Variants in CNTNAP2 observed in about 807,000 individuals in gnomAD.
CNTNAP2 encodes the protein contactin-associated protein-like 2.
A neutral mutation model predicts 155.2 loss-of-function variants in CNTNAP2; 98 were observed. That is an observed-to-expected ratio of 0.63 (90% confidence interval 0.54 to 0.75). The LOEUF is 0.75. Among genes scored for constraint, CNTNAP2 ranks in the 30% least tolerant of loss-of-function variants. CNTNAP2 has a pLI of 0.00. For missense variants in CNTNAP2, 1,727 were observed against 1,688.1 expected (o/e 1.02, Z -0.40); for synonymous variants, 651 against 631.2 (o/e 1.03, Z -0.47).
At chr7:146,269,848 A>G (rs1286135680) in intron 1 of CNTNAP2, among the ~76,000 whole-genome samples, 1 of 152,220 alleles carries the variant, frequency 6.6e-6, no homozygotes, top group Non-Finnish European at 1.5e-5. Flanking sequence ...ATGAGAGGCA[A>G]CCTGAACTGG....
At chr7:147,422,352 G>T (rs375879096) in intron 10 of CNTNAP2, among the ~76,000 whole-genome samples, 1 of 150,740 alleles carries the variant, frequency 6.6e-6, no homozygotes, top group Non-Finnish European at 1.5e-5. Context: ...TATACACTAT[G>T]TATGTGTATA....
chr7:148,386,252 G>A lies in CNTNAP2; in HGVS notation c.3715+2364G>A, dbSNP rs374548654. Among the ~76,000 whole-genome samples the A allele has an allele frequency of 5.3e-5, 8 of 152,086 alleles. No individual in the cohort carries two copies. In the East Asian group the frequency reaches 7.7e-4, roughly 15 times the overall value. Reference sequence around the variant, plus strand: ...TTACAAGGACAGAAAACAGTTGACCGGGCTCGGTGGCTCACATCTGTAATC... The same window carrying A: ...TTACAAGGACAGAAAACAGTTGACCAGGCTCGGTGGCTCACATCTGTAATC... On this transcript the variant is annotated intron_variant, in intron 22 of 23. Coordinates refer to ENST00000361727, the MANE Select transcript of CNTNAP2 (RefSeq NM_014141.6).
intron 12 of CNTNAP2, among the ~76,000 whole-genome samples, chr7:147,585,622 TTG>T (rs1325634587): frequency 2.6e-5 from 2 of 76,678 alleles, no homozygotes; most frequent in Non-Finnish European, 5.0e-5. Context: ...AAAGGTAATT[TTG>T]AGGCCAAAAA....
chr7:146,536,563 G>C (rs1797871746), intron 1 of CNTNAP2, among the ~76,000 whole-genome samples: 1 of 151,790 alleles, frequency 6.6e-6, no homozygotes, highest in Non-Finnish European at 1.5e-5. Context: ...ACTGACTGTT[G>C]ACTGCTCACT....
At chr7:146,309,880 G>C (rs117623708) in intron 1 of CNTNAP2, among the ~76,000 whole-genome samples, 2,781 of 151,286 alleles carry the variant, frequency 0.018, 35 homozygotes, top group Non-Finnish European at 0.029. Flanking sequence ...AAGGGAAAGA[G>C]GAAATAGAAT....
intron 21 of CNTNAP2, among the ~76,000 whole-genome samples, chr7:148,296,646 T>C (rs765663529): frequency 6.6e-6 from 1 of 151,372 alleles, no homozygotes; most frequent in Non-Finnish European, 1.5e-5. Flanking sequence ...ATTTGTTTCA[T>C]AGAAAATGCC....
intron 12 of CNTNAP2, among the ~76,000 whole-genome samples, chr7:147,567,710 G>T (rs1188750281): frequency 2.0e-5 from 3 of 152,120 alleles, no homozygotes; most frequent in Admixed American, 6.5e-5. Flanking sequence ...ATGTTGCTTT[G>T]GGTCCCTGTA....
In CNTNAP2 at chr7:147,185,583, A is replaced by T. The variant is rs184771285; in HGVS notation, c.1348+53074A>T. ...AAGACTGAATTAACCACAACTACATACAGAAATAGAGATGAATCTTAGAAA... is the reference window on the plus strand; with the variant it reads ...AAGACTGAATTAACCACAACTACATTCAGAAATAGAGATGAATCTTAGAAA... On this transcript the variant is annotated intron_variant, in intron 8 of 23. Coordinates refer to ENST00000361727, the MANE Select transcript of CNTNAP2 (RefSeq NM_014141.6). Among the ~76,000 whole-genome samples the T allele has an allele frequency of 3.0e-3, 460 of 152,356 alleles. 11 individuals carry two copies. Among genetic ancestry groups the T allele is most frequent in the East Asian group, 1.3e-3 (7 of 5,192 alleles).
intron 1 of CNTNAP2, among the ~76,000 whole-genome samples, chr7:146,759,711 A>AAAAAAAAAG (rs1309834469): frequency 8.2e-5 from 5 of 60,726 alleles, no homozygotes; most frequent in African/African-American, 1.8e-4. Context: ...AAAAAAAAAA[A>AAAAAAAAAG]GGTGGGTGGG....
chr7:146,801,812 T>C (rs1053685823), intron 2 of CNTNAP2, among the ~76,000 whole-genome samples: 2 of 152,194 alleles, frequency 1.3e-5, no homozygotes, highest in Non-Finnish European at 2.9e-5. Flanking sequence ...ATACGGTGAA[T>C]TTTAAATGCT....
chr7:147,620,602 T>C (rs533767159), intron 12 of CNTNAP2, among the ~76,000 whole-genome samples: 2 of 151,798 alleles, frequency 1.3e-5, no homozygotes, highest in African/African-American at 4.8e-5. Context: ...ATTGGCATAC[T>C]GAAGAATGCA....
chr7:147,210,765 G>A (rs1041830935), intron 8 of CNTNAP2, among the ~76,000 whole-genome samples: 3 of 151,790 alleles, frequency 2.0e-5, no homozygotes, highest in African/African-American at 7.3e-5. Flanking sequence ...CTTGCTGGAT[G>A]TTGTATCTCT....
At chr7:148,149,484 T>C (rs1263606618) in intron 17 of CNTNAP2, among the ~76,000 whole-genome samples, 1 of 151,538 alleles carries the variant, frequency 6.6e-6, no homozygotes, top group Non-Finnish European at 1.5e-5. Context: ...AGGAGGAGGA[T>C]TTGATTAAAA....
chr7:147,859,243 G>A (rs1052623899), intron 13 of CNTNAP2, among the ~76,000 whole-genome samples: 2 of 152,046 alleles, frequency 1.3e-5, no homozygotes, highest in Non-Finnish European at 2.9e-5. Context: ...CTCAATGGAA[G>A]CAGGGAAAAC....
At chr7:147,298,261 C>T (rs1164503550) in intron 8 of CNTNAP2, among the ~76,000 whole-genome samples, 2 of 151,952 alleles carry the variant, frequency 1.3e-5, no homozygotes, top group Non-Finnish European at 1.5e-5. Context: ...CATGTCTCTA[C>T]TAAAAATACA....
At chr7:146,931,198 T>C (rs1585164773) in intron 3 of CNTNAP2, among the ~76,000 whole-genome samples, 1 of 151,430 alleles carries the variant, frequency 6.6e-6, no homozygotes, top group Non-Finnish European at 1.5e-5. Context: ...AAAGCTCTCC[T>C]CAGCAAATGT....
chr7:147,308,908 A>C (rs12154311), intron 9 of CNTNAP2, among the ~76,000 whole-genome samples: 34,103 of 152,142 alleles, frequency 0.22, 4,143 homozygotes, highest in Middle Eastern at 0.29. Context: ...TTAAAATTCC[A>C]ATCAGTCTCT....
At chr7:147,038,558 G>A (rs1237218071) in intron 3 of CNTNAP2, among the ~76,000 whole-genome samples, 1 of 152,076 alleles carries the variant, frequency 6.6e-6, no homozygotes, top group Non-Finnish European at 1.5e-5. Flanking sequence ...ATATCAAAAT[G>A]GCCAACAGAA....
chr7:147,289,053 C>T (rs931633532), intron 8 of CNTNAP2, among the ~76,000 whole-genome samples: 3 of 152,096 alleles, frequency 2.0e-5, no homozygotes, highest in Non-Finnish European at 4.4e-5. Flanking sequence ...AACCAAGTTA[C>T]AAAGAAATGT....
Sources: allele counts gnomAD v4.1 joint callset (sites outside exome capture counted in the v4.1 genomes callset), GRCh38; gene constraint gnomAD v4.1.1; transcripts MANE v1.5; gene names NCBI Gene and HGNC (gene_info 2026-07-23, HGNC 2026-07-21).